DMD: variants seen among roughly 807,000 people sequenced by gnomAD.
The protein encoded by DMD is dystrophin.
Under a neutral mutation model 330.1 loss-of-function variants are expected in DMD, and 63 were observed. That is an observed-to-expected ratio of 0.19 (90% CI 0.16 to 0.24). The LOEUF (loss-of-function observed/expected upper bound fraction) is 0.24. DMD is among the 10% of genes least tolerant of loss of function. The pLI, the probability that DMD is intolerant of heterozygous loss-of-function variation, is 1.00. For missense variants in DMD, 3,344 were observed against 2,684.1 expected (o/e 1.25, Z -5.43); for synonymous variants, 1,223 against 959.8 (o/e 1.27, Z -5.07).
intron 60 of DMD, among the ~76,000 whole-genome samples, chrX:31,380,173 C>T (rs922662818): frequency 9.0e-6 from 1 of 110,878 alleles, no homozygotes; most frequent in Non-Finnish European, 1.9e-5. Context: ...TTCTAAACCT[C>T]TTAAAACTCC....
chrX:32,896,086 G>T (rs1253066584), intron 2 of DMD, among the ~76,000 whole-genome samples: 1 of 111,173 alleles, frequency 9.0e-6, no homozygotes, highest in Non-Finnish European at 1.9e-5. Flanking sequence ...GTATACAGAG[G>T]TTTATGTACA....
rs1290220063 is a variant in DMD at position 31,173,524 on chromosome X, C to CAACT, written c.10328+11_10328+14dup. 1 of 1,204,500 alleles carries CAACT rather than the reference C, an allele frequency of 8.3e-7. No individual in the cohort carries two copies. Among genetic ancestry groups the CAACT allele is most frequent in the East Asian group, 3.0e-5 (1 of 33,798 alleles). On this transcript the variant is annotated intron_variant, in intron 72 of 78. Transcript: ENST00000357033. ...TTTCAATCAATATTTGCCTGGCATA[C>CAACT]AACTAGTCTCATACCTGCTAGCATA...
intron 7 of DMD, among the ~76,000 whole-genome samples, chrX:32,773,967 G>A (rs1001711632): frequency 9.0e-6 from 1 of 110,725 alleles, no homozygotes; most frequent in African/African-American, 3.3e-5. Flanking sequence ...GGCCCATCCT[G>A]GAACAGAAGA....
At chrX:32,850,171 C>G (rs2081024107) in intron 2 of DMD, among the ~76,000 whole-genome samples, 1 of 111,234 alleles carries the variant, frequency 9.0e-6, no homozygotes, top group Non-Finnish European at 1.9e-5. Flanking sequence ...CACAAAGAAG[C>G]AAAAGACCAC....
chrX:32,468,141 A>G (rs1333643930), intron 23 of DMD, among the ~76,000 whole-genome samples: 2 of 110,749 alleles, frequency 1.8e-5, no homozygotes, highest in Non-Finnish European at 3.8e-5. Context: ...TGTATAATGT[A>G]TATATACATA....
intron 44 of DMD, among the ~76,000 whole-genome samples, chrX:32,027,988 T>C (rs960146746): frequency 1.8e-5 from 2 of 111,875 alleles, no homozygotes; most frequent in Non-Finnish European, 3.8e-5. Flanking sequence ...AAAGTCACTA[T>C]GAAGAGTAGA....
At chrX:31,130,958 C>T (rs1178367701) in intron 77 of DMD, among the ~76,000 whole-genome samples, 2 of 111,774 alleles carry the variant, frequency 1.8e-5, no homozygotes, top group Non-Finnish European at 3.8e-5. Flanking sequence ...AAGTAAACCA[C>T]GCGGTGGTAT....
intron 47 of DMD, among the ~76,000 whole-genome samples, chrX:31,883,817 C>T (rs769671828): frequency 3.7e-5 from 4 of 109,554 alleles, no homozygotes; most frequent in African/African-American, 1.0e-4. Flanking sequence ...ATATCAGTAT[C>T]GACACACAGC....
At chrX:31,338,523 C>T (rs890491232) in intron 61 of DMD, among the ~76,000 whole-genome samples, 1 of 109,754 alleles carries the variant, frequency 9.1e-6, no homozygotes. Flanking sequence ...AATTTGTTCT[C>T]CAGAGCTCCC....
At chrX:33,075,865 C>T (rs1323259569) in intron 1 of DMD, among the ~76,000 whole-genome samples, 1 of 111,816 alleles carries the variant, frequency 8.9e-6, no homozygotes, top group East Asian at 2.8e-4. Context: ...GCAATGACAA[C>T]CCTTCCCCAA....
At chrX:32,231,194 C>CA (rs774164436) in intron 43 of DMD, among the ~76,000 whole-genome samples, 4 of 111,912 alleles carry the variant, frequency 3.6e-5, no homozygotes, top group Admixed American at 1.9e-4. Context: ...AACACAGCTA[C>CA]AAAAAAATTT....
At chrX:33,231,801 G>T (rs2052391911) in intron 1 of DMD, among the ~76,000 whole-genome samples, 2 of 111,632 alleles carry the variant, frequency 1.8e-5, no homozygotes, top group African/African-American at 6.5e-5. Flanking sequence ...AAGCTGCCAT[G>T]GTGGGAAATA....
chrX:31,535,089 TC>T (rs2074040765), intron 55 of DMD, among the ~76,000 whole-genome samples: 2 of 35,304 alleles, frequency 5.7e-5, no homozygotes, highest in Non-Finnish European at 9.3e-5. Context: ...TTCAATGCCA[TC>T]CCCATCAAGC....
intron 44 of DMD, among the ~76,000 whole-genome samples, chrX:32,000,882 T>A (rs2095621784): frequency 9.0e-6 from 1 of 111,427 alleles, no homozygotes; most frequent in Non-Finnish European, 1.9e-5. Context: ...AAGATAGGGG[T>A]GATAGAGAGA....
intron 30 of DMD, among the ~76,000 whole-genome samples, chrX:32,397,119 G>A (rs1474132686): frequency 9.0e-6 from 1 of 111,278 alleles, no homozygotes; most frequent in Non-Finnish European, 1.9e-5. Context: ...AGAAAACATT[G>A]GGGATAGAAG....
At chrX:32,784,657 A>C (rs2075199022) in intron 7 of DMD, among the ~76,000 whole-genome samples, 1 of 111,797 alleles carries the variant, frequency 8.9e-6, no homozygotes, top group South Asian at 3.6e-4. Context: ...TTTATGTCCA[A>C]CTAATAAAAT....
chrX:32,833,239 T>G (rs1282809501), intron 4 of DMD, among the ~76,000 whole-genome samples: 1 of 111,504 alleles, frequency 9.0e-6, no homozygotes, highest in Non-Finnish European at 1.9e-5. Flanking sequence ...AATGGAGTCA[T>G]GTTTTCATTT....
At chrX:33,337,898 G>A (rs1242457035) in intron 1 of DMD, among the ~76,000 whole-genome samples, 1 of 111,525 alleles carries the variant, frequency 9.0e-6, no homozygotes, top group African/African-American at 3.3e-5. Context: ...TACAGAAAAG[G>A]CACAGCACAT....
rs192729601 is a variant in DMD at position 31,179,066 on chromosome X, T to C, written c.10087-261A>G. ...CACCTCAACACGTTGTTATGATAAA[T>C]AAAAGAAACATACAAGCTTACTAGG... is the stretch of plus-strand genomic sequence containing the variant. On this transcript the variant is annotated intron_variant, in intron 69 of 78. Coordinates refer to ENST00000357033, the MANE Select transcript of DMD (RefSeq NM_004006.3). Among the ~76,000 whole-genome samples the C allele has an allele frequency of 3.8e-3, 422 of 111,986 alleles. 1 individual carries two copies. Among genetic ancestry groups the C allele is most frequent in the Non-Finnish European group, 6.5e-3 (347 of 53,144 alleles).
Sources: gnomAD v4.1 joint callset for allele counts (sites outside exome capture counted in the v4.1 genomes callset) on GRCh38, gnomAD v4.1.1 for gene constraint, MANE v1.5 for transcripts, NCBI Gene and HGNC (gene_info 2026-07-23, HGNC 2026-07-21) for gene names.